Variants in ANKRD30B observed in about 807,000 individuals in gnomAD.
The protein encoded by ANKRD30B is ankyrin repeat domain 30B.
Under a neutral mutation model 202.2 loss-of-function variants are expected in ANKRD30B, and 144 were observed. The ratio of observed to expected loss-of-function variants is 0.71; its 90% CI spans 0.62 to 0.82. The LOEUF is 0.82. Among genes scored for constraint, ANKRD30B ranks in the 40% least tolerant of loss-of-function variants. The pLI is 0.00. For missense variants in ANKRD30B, 1,487 were observed against 1,669.1 expected (o/e 0.89, Z 1.90); for synonymous variants, 508 against 561.3 (o/e 0.91, Z 1.34).
At chr18:14,819,877 T>C (rs1970321858) in intron 30 of ANKRD30B, among the ~76,000 whole-genome samples, 1 of 152,168 alleles carries the variant, frequency 6.6e-6, no homozygotes, top group South Asian at 2.1e-4. Context: ...AACTTTAAAG[T>C]AGTTTTTTCC....
the ANKRD30B span, among the ~76,000 whole-genome samples, chr18:14,908,635 C>G: frequency 6.6e-6 from 1 of 152,166 alleles, no homozygotes; most frequent in African/African-American, 2.4e-5. Context: ...TCTTTGAGGG[C>G]AGGGTCTGTG....
intron 30 of ANKRD30B, among the ~76,000 whole-genome samples, chr18:14,821,294 T>C (rs1371358992): frequency 6.6e-6 from 1 of 152,170 alleles, no homozygotes; most frequent in Non-Finnish European, 1.5e-5. Flanking sequence ...ATCAATTTTG[T>C]TGATCCTTTC....
At chr18:14,754,329 T>C (rs1360168041) in intron 3 of ANKRD30B, among the ~76,000 whole-genome samples, 1 of 152,180 alleles carries the variant, frequency 6.6e-6, no homozygotes, top group Non-Finnish European at 1.5e-5. Flanking sequence ...TGTCAAATGT[T>C]AATCTCTGCC....
At chr18:14,928,143 T>G in the ANKRD30B span, among the ~76,000 whole-genome samples, 1 of 152,068 alleles carries the variant, frequency 6.6e-6, no homozygotes, top group Non-Finnish European at 1.5e-5. Context: ...AATTTTTGTA[T>G]TTTTAGTAGA....
intron 9 of ANKRD30B, among the ~76,000 whole-genome samples, chr18:14,773,755 A>C (rs530723987): frequency 1.3e-5 from 2 of 151,880 alleles, no homozygotes; most frequent in South Asian, 2.1e-4. Context: ...TTCTGGGTTC[A>C]AGCAATTCTC....
At chr18:14,882,206 T>C in the ANKRD30B span, among the ~76,000 whole-genome samples, 1 of 152,186 alleles carries the variant, frequency 6.6e-6, no homozygotes, top group Non-Finnish European at 1.5e-5. Context: ...GAACTTAGAT[T>C]GTCTGTTTGT....
chr18:14,784,594 GTCTT>G, intron 14 of ANKRD30B, 59 bp downstream of exon 14: 1 of 1,518,558 alleles, frequency 6.6e-7, no homozygotes, highest in South Asian at 1.2e-5. Context: ...CATTTTGATA[GTCTT>G]TCTATCCCCA....
chr18:14,790,623 C>A (rs1385613734), intron 15 of ANKRD30B, among the ~76,000 whole-genome samples: 1 of 152,046 alleles, frequency 6.6e-6, no homozygotes, highest in Non-Finnish European at 1.5e-5. Context: ...TTGTCAAAGG[C>A]CTTTTCTGCA....
chr18:14,788,734 T>C (rs1186389314), intron 15 of ANKRD30B, among the ~76,000 whole-genome samples: 1 of 152,048 alleles, frequency 6.6e-6, no homozygotes, highest in Middle Eastern at 3.2e-3. Flanking sequence ...TCATCATTTT[T>C]TATGGCTGCA....
At chr18:14,862,931 G>T in the ANKRD30B span, among the ~76,000 whole-genome samples, 1 of 152,200 alleles carries the variant, frequency 6.6e-6, no homozygotes, top group African/African-American at 2.4e-5. Context: ...GAGGCCTGTT[G>T]CCCCTTTCTT....
At chr18:14,891,901 A>G in the ANKRD30B span, among the ~76,000 whole-genome samples, 1 of 152,252 alleles carries the variant, frequency 6.6e-6, no homozygotes, top group South Asian at 2.1e-4. Context: ...AATGAAAAAT[A>G]CTGAATAAAT....
chr18:14,876,674 T>C, the ANKRD30B span, among the ~76,000 whole-genome samples: 1 of 152,198 alleles, frequency 6.6e-6, no homozygotes, highest in African/African-American at 2.4e-5. Context: ...GAGAAAGGCA[T>C]CATCTACTTT....
chr18:14,795,596 C>T (rs1217734104), intron 16 of ANKRD30B, among the ~76,000 whole-genome samples: 1 of 152,134 alleles, frequency 6.6e-6, no homozygotes, highest in Non-Finnish European at 1.5e-5. Context: ...TGTAAAAATA[C>T]TCCTATTTCA....
In ANKRD30B at chr18:14,797,648, CCTTTT is replaced by C; in HGVS notation, c.1928-7_1928-3del. 6.2e-7 allele frequency: 1 copy of C among 1,604,342 alleles called. No homozygotes were observed. On this transcript the variant is annotated splice_region_variant and splice_polypyrimidine_tract_variant and intron_variant, in intron 18 of 43. Transcript: ENST00000690538. ...TTGCATATAATCAATTATAAATGTC[CCTTTT>C]CTTTTAGAGTCTCCTGATAAAGATG... is the stretch of plus-strand genomic sequence containing the variant.
At position 14,822,468 on chromosome 18, in the gene ANKRD30B, T is replaced by C. The variant is rs1970470179; in HGVS notation, c.2642-15T>C. ...GCTTGCGTATAATCAATTATATATG[T>C]CCCTTTTCTTTTAGAGTCTCCTGAT... On this transcript the variant is annotated splice_polypyrimidine_tract_variant and intron_variant, in intron 30 of 43. Coordinates refer to ENST00000690538, the MANE Select transcript of ANKRD30B (RefSeq NM_001367607.2). The C allele has an allele frequency of 3.9e-6, 5 of 1,294,446 alleles. No homozygotes were observed. The Admixed American group carries it at 5.3e-5, about 14-fold the overall frequency. 80.2% of individuals were successfully genotyped at this position (1,294,446 alleles called of 1,614,324 possible).
chr18:14,929,346 A>G, the ANKRD30B span, among the ~76,000 whole-genome samples: 22 of 152,134 alleles, frequency 1.4e-4, no homozygotes, highest in Non-Finnish European at 2.5e-4. Context: ...CCACGTCACC[A>G]CAGAGTAATG....
chr18:14,912,511 C>A, the ANKRD30B span, among the ~76,000 whole-genome samples: 39 of 152,100 alleles, frequency 2.6e-4, no homozygotes, highest in Non-Finnish European at 1.5e-5. Context: ...CTCTTGGATT[C>A]AATATGCTAG....
chr18:14,935,437 A>G, the ANKRD30B span, among the ~76,000 whole-genome samples: 3 of 152,170 alleles, frequency 2.0e-5, no homozygotes, highest in Admixed American at 2.0e-4. Context: ...ATTCAGGTAA[A>G]AATCATGTGC....
chr18:14,831,184 A>AAAAAAAAAAAAAAAAAAAAAAAAAAAAC, intron 33 of ANKRD30B, among the ~76,000 whole-genome samples, 199 bp from the exon 34 acceptor site: 2 of 149,996 alleles, frequency 1.3e-5, no homozygotes, highest in African/African-American at 4.9e-5. Context: ...CGTCTCGGAA[A>AAAAAAAAAAAAAAAAAAAAAAAAAAAAC]AAAAAAAAAA....
Sources: allele counts gnomAD v4.1 joint callset (sites outside exome capture counted in the v4.1 genomes callset), GRCh38; gene constraint gnomAD v4.1.1; transcripts MANE v1.5; gene names NCBI Gene and HGNC (gene_info 2026-07-23, HGNC 2026-07-21).